The following BIRC3 variants were observed in gnomAD, a reference collection of about 807,000 sequenced individuals.
BIRC3 encodes baculoviral IAP repeat containing 3.
Under a neutral mutation model 59.0 loss-of-function variants are expected in BIRC3, and 26 were observed. The ratio of observed to expected loss-of-function variants is 0.44; its 90% confidence interval spans 0.32 to 0.61. BIRC3 has a LOEUF of 0.61. Among genes scored for constraint, BIRC3 ranks in the 20% least tolerant of loss-of-function variants. BIRC3 has a pLI of 0.04. For missense variants in BIRC3, 641 were observed against 711.5 expected (o/e 0.90, Z 1.13); for synonymous variants, 243 against 249.2 (o/e 0.98, Z 0.24).
Position 102,338,433 on chromosome 11 carries a change from A to T in BIRC3, c.*1331A>T, listed in dbSNP as rs1430390426. On this transcript the variant is annotated 3_prime_UTR_variant, in exon 9 of 9. Coordinates refer to ENST00000263464, the MANE Select transcript of BIRC3 (RefSeq NM_001165.5). ...ACTTAACAAATTTATTTAATCACAG[A>T]TTTACATCACCGGGGAGCCTTCGTA... 10 of 229,546 alleles carry T rather than the reference A, an allele frequency of 4.4e-5. No homozygotes were observed. Among genetic ancestry groups the T allele is most frequent in the Non-Finnish European group, 8.6e-5 (10 of 115,746 alleles). 14.2% of individuals were successfully genotyped at this position (229,546 alleles called of 1,614,324 possible). A position where few individuals can be genotyped will look rare whatever the true frequency, so the allele number is the denominator to read the frequency against.
At chr11:102,320,558 T>C (rs1281947968) in intron 1 of BIRC3, among the ~76,000 whole-genome samples, 2 of 152,236 alleles carry the variant, frequency 1.3e-5, no homozygotes, top group Non-Finnish European at 2.9e-5. Context: ...AGCCATGGCA[T>C]GAGGCCTTGT....
chr11:102,326,652 G>C (rs541149718), intron 3 of BIRC3: 7 of 448,066 alleles, frequency 1.6e-5, no homozygotes, highest in African/African-American at 1.0e-4. Flanking sequence ...TTTCTAAATG[G>C]GAAATGGGTT....
chr11:102,328,455 A>G (rs1951105886), intron 4 of BIRC3, among the ~76,000 whole-genome samples: 1 of 152,156 alleles, frequency 6.6e-6, no homozygotes, highest in South Asian at 2.1e-4. Flanking sequence ...AGAGAATTTT[A>G]TTGCTTTTTC....
intron 5 of BIRC3, among the ~76,000 whole-genome samples, chr11:102,329,741 A>G (rs1242125509): frequency 6.6e-6 from 1 of 152,184 alleles, no homozygotes; most frequent in Non-Finnish European, 1.5e-5. Context: ...GAACAATGAG[A>G]ACACTTGGAC....
rs1951205819 is a variant in BIRC3 at position 102,337,205 on chromosome 11, A to T, written c.*103A>T. On this transcript the variant is annotated 3_prime_UTR_variant, in exon 9 of 9. Transcript: ENST00000263464. ...GTTTCCTTAAAATTTTTATTTATTTACAACTCAAAAAACATTGTTTTGTGT... is the reference window on the plus strand; with the variant it reads ...GTTTCCTTAAAATTTTTATTTATTTTCAACTCAAAAAACATTGTTTTGTGT... 1 of 838,186 alleles carries T rather than the reference A, an allele frequency of 1.2e-6. No individual in the cohort carries two copies. 51.9% of individuals were successfully genotyped at this position (838,186 alleles called of 1,614,324 possible). A position where few individuals can be genotyped will look rare whatever the true frequency, so the allele number is the denominator to read the frequency against.
intron 1 of BIRC3, among the ~76,000 whole-genome samples, chr11:102,319,070 GT>G (rs1951003895): frequency 7.1e-6 from 1 of 139,904 alleles, no homozygotes; most frequent in South Asian, 2.3e-4. Flanking sequence ...TTGAGACAGA[GT>G]CTCACTCTGT....
At position 102,331,050 on chromosome 11, in the gene BIRC3, A is replaced by G. The variant is rs1951132617; in HGVS notation, c.1133A>G (p.Asn378Ser). ...CATTCAGAAGATGCAATCATGATGA[A>G]TACTCCTGTGATTAATGCTGCCGTG... ...EDHSEDAIMM[N>S]TPVINAAVEM... Residue 378 changes from asparagine to serine, a missense_variant, in exon 6 of 9, where the codon AAT becomes AGT. By Grantham distance (46) the Asn-to-Ser change is conservative. Transcript: ENST00000263464. 1.2e-6 allele frequency: 2 copies of G among 1,613,756 alleles called. No individual in the cohort carries two copies. The highest frequency in any genetic ancestry group is 1.3e-5 in the African/African-American group (1 of 74,910).
rs1006578210 is a variant in BIRC3 at position 102,324,426 on chromosome 11, A to G, written c.-84A>G. 52 of 1,479,724 alleles carry G rather than the reference A, an allele frequency of 3.5e-5. No individual in the cohort carries two copies. The Middle Eastern group carries it at 5.6e-4, about 16-fold the overall frequency. 91.7% of individuals were successfully genotyped at this position (1,479,724 alleles called of 1,614,324 possible). The stretch of plus-strand genomic sequence containing the variant: ...TTTCATTTTGGCTTTTCAGCCTAGT[A>G]TTAAAACTGATAAAAGCAAAGCCAT... On this transcript the variant is annotated 5_prime_UTR_variant, in exon 2 of 9. Transcript: ENST00000263464.
At chr11:102,336,329 T>C (rs1951196886) in intron 7 of BIRC3, 109 bp downstream of exon 7, 5 of 1,259,310 alleles carry the variant, frequency 4.0e-6, no homozygotes, top group Non-Finnish European at 5.4e-6. Context: ...TGGTGACTCA[T>C]GCCTGTAATC....
In BIRC3 at chr11:102,335,015, C is replaced by T. The variant is rs561245629; in HGVS notation, c.1325-951C>T. Among the ~76,000 whole-genome samples, 529 of 152,192 alleles carry T rather than the reference C, an allele frequency of 3.5e-3. 3 individuals carry two copies. Among genetic ancestry groups the T allele is most frequent in the Non-Finnish European group, 5.3e-3 (361 of 67,998 alleles). On this transcript the variant is annotated intron_variant, in intron 6 of 8. Transcript: ENST00000263464. ...CAGCACTTTTGGAGGCCGGAGTGGG[C>T]GGATCACTCGAGGCCAGGAGTTCGA... is the stretch of plus-strand genomic sequence containing the variant.
chr11:102,328,513 C>G (rs1951106561), intron 4 of BIRC3, among the ~76,000 whole-genome samples: 1 of 150,670 alleles, frequency 6.6e-6, no homozygotes, highest in Admixed American at 6.6e-5. Context: ...ATGGTCAAAC[C>G]CATCCTAGCC....
chr11:102,324,967 A>G lies in BIRC3; in HGVS notation c.458A>G (p.Asp153Gly). The G allele has an allele frequency of 6.2e-7, 1 of 1,614,158 alleles. No homozygotes were observed. The change falls in exon 2 of 9, where the codon GAT (aspartate) becomes GGT (glycine). Residue 153 changes from aspartate (D) to glycine (G), a missense_variant. Transcript: ENST00000263464. The part of the protein sequence containing the change: ...SNPVNSRANQ[D>G]FSALMRSSYH... Reference sequence around the variant, plus strand: ...CCTGTAAACTCCAGAGCAAATCAAGATTTTTCTGCCTTGATGAGAAGTTCC... The same window carrying G: ...CCTGTAAACTCCAGAGCAAATCAAGGTTTTTCTGCCTTGATGAGAAGTTCC...
chr11:102,328,175 T>C, intron 4 of BIRC3, 45 bp downstream of exon 4: 1 of 1,460,574 alleles, frequency 6.8e-7, no homozygotes, highest in Non-Finnish European at 9.5e-7. Context: ...ATCAGAGAAA[T>C]TGCTTTCTGA....
rs1201621698 is a variant in BIRC3, at chr11:102,336,025, A to C, written c.1384A>C (p.Ile462Leu). 1 of 1,613,544 alleles carries C rather than the reference A, an allele frequency of 6.2e-7. No individual in the cohort carries two copies. The highest frequency in any genetic ancestry group is 8.5e-7 in the Non-Finnish European group (1 of 1,179,696). ...MALFQHLTCV[I>L]PILDSLLTAG... ...ACTTTTTCAACATTTGACTTGTGTA[A>C]TTCCAATCCTGGATAGTCTACTAAC... Residue 462 changes from isoleucine to leucine, a missense_variant, in exon 7 of 9, where the codon ATT (isoleucine) becomes CTT (leucine). This residue lies in a region of BIRC3 where 268 missense variants were observed against 255.7 expected (regional missense o/e 1.05). Transcript: ENST00000263464.
intron 4 of BIRC3, among the ~76,000 whole-genome samples, chr11:102,328,432 A>T (rs931684724): frequency 3.3e-5 from 5 of 152,326 alleles, no homozygotes; most frequent in Non-Finnish European, 5.9e-5. Context: ...TTTTCCTTCA[A>T]AAGATCTGAG....
At chr11:102,320,218 G>A (rs1951016311) in intron 1 of BIRC3, 1 of 152,024 alleles carries the variant, frequency 6.6e-6, no homozygotes, top group African/African-American at 2.4e-5. Context: ...AAACTCAAAT[G>A]GAGGTGATAT....
rs1416134513 is a variant in BIRC3, at chr11:102,323,873, A to G, written c.-637A>G. 5.0e-6 allele frequency: 1 copy of G among 201,400 alleles called. No individual in the cohort carries two copies. Among genetic ancestry groups the G allele is most frequent in the African/African-American group, 2.3e-5 (1 of 43,540 alleles). 12.5% of individuals were successfully genotyped at this position (201,400 alleles called of 1,614,324 possible). A position where few individuals can be genotyped will look rare whatever the true frequency, so the allele number is the denominator to read the frequency against. ...GTGCTTCTAATTAAAATATGATGTC[A>G]TTAATTATGAAATACTTCTTGATAA... On this transcript the variant is annotated 5_prime_UTR_variant, in exon 2 of 9. Coordinates refer to ENST00000263464, the MANE Select transcript of BIRC3 (RefSeq NM_001165.5).
At chr11:102,318,204 A>G (rs1277145075) in intron 1 of BIRC3, among the ~76,000 whole-genome samples, 2 of 152,322 alleles carry the variant, frequency 1.3e-5, no homozygotes, top group East Asian at 1.9e-4. Flanking sequence ...TGTATTTTTC[A>G]CGTTTAATTA....
At chr11:102,319,341 C>T (rs765555511) in intron 1 of BIRC3, among the ~76,000 whole-genome samples, 33 of 152,192 alleles carry the variant, frequency 2.2e-4, no homozygotes, top group Non-Finnish European at 3.8e-4. Flanking sequence ...CCACCACACC[C>T]GGCCGAAAGA....
Sources: allele counts gnomAD v4.1 joint callset (sites outside exome capture counted in the v4.1 genomes callset), GRCh38; gene constraint gnomAD v4.1.1; regional missense constraint gnomAD v4.1.1; transcripts MANE v1.5; gene names NCBI Gene and HGNC (gene_info 2026-07-23, HGNC 2026-07-21).